Variants in ESRRB observed in about 807,000 individuals in gnomAD.
The protein encoded by ESRRB is estrogen related receptor beta.
In ESRRB, 16 loss-of-function variants were observed where a neutral mutation model predicts 46.0. That is an observed-to-expected ratio of 0.35 (90% CI 0.24 to 0.53). The LOEUF is 0.53. ESRRB is among the 20% of genes least tolerant of loss of function. The pLI, the probability that ESRRB is intolerant of heterozygous loss-of-function variation, is 0.93. For synonymous variants in ESRRB, 246 were observed against 259.6 expected (o/e 0.95, Z 0.50); for missense variants, 488 against 607.4 (o/e 0.80, Z 2.07).
At chr14:76,434,639 G>A (rs1477468925) in intron 1 of ESRRB, among the ~76,000 whole-genome samples, 1 of 148,014 alleles carries the variant, frequency 6.8e-6, no homozygotes, top group South Asian at 2.1e-4. Flanking sequence ...CAGCCTGGGC[G>A]ACAGAGCCAG....
At chr14:76,428,628 G>A (rs1222520990) in intron 1 of ESRRB, among the ~76,000 whole-genome samples, 1 of 152,120 alleles carries the variant, frequency 6.6e-6, no homozygotes, top group African/African-American at 2.4e-5. Context: ...GCCACTCTCC[G>A]TGAGCCTGAG....
chr14:76,354,520 G>T (rs1395992074), intron 1 of ESRRB, among the ~76,000 whole-genome samples: 1 of 151,930 alleles, frequency 6.6e-6, no homozygotes, highest in Non-Finnish European at 1.5e-5. Flanking sequence ...GGTCCCGGGG[G>T]TGAGGGATTC....
intron 1 of ESRRB, among the ~76,000 whole-genome samples, chr14:76,433,265 G>T (rs116990304): frequency 0.01 from 1,572 of 152,274 alleles, 15 homozygotes; most frequent in Non-Finnish European, 0.015. Flanking sequence ...CACGTATTTT[G>T]TGTCTTCAGC....
At position 76,426,871 on chromosome 14, in the gene ESRRB, A is replaced by C. The variant is rs928458386; in HGVS notation, c.51-12470A>C. 2.6e-5 allele frequency among the ~76,000 whole-genome samples: 4 copies of C among 152,204 alleles called. No individual in the cohort carries two copies. In the East Asian group the frequency reaches 7.7e-4, roughly 29 times the overall value. ...CATGGGGAGACCATGTCGCTACAAAAAAACAAACAAACAAAAAAATTGTTT... is the reference window on the plus strand; with the variant it reads ...CATGGGGAGACCATGTCGCTACAAACAAACAAACAAACAAAAAAATTGTTT... On this transcript the variant is annotated intron_variant, in intron 1 of 6. Transcript: ENST00000644823.
rs749859734 is a variant in ESRRB at position 76,498,721 on chromosome 14, C to A, written c.*263C>A. 86 of 1,210,632 alleles carry A rather than the reference C, an allele frequency of 7.1e-5. No individual in the cohort carries two copies. The Admixed American group carries it at 1.5e-3, about 21-fold the overall frequency. 75.0% of individuals were successfully genotyped at this position (1,210,632 alleles called of 1,614,324 possible). On this transcript the variant is annotated 3_prime_UTR_variant, in exon 7 of 7. Coordinates refer to ENST00000644823, the MANE Select transcript of ESRRB (RefSeq NM_001379180.1). The stretch of plus-strand genomic sequence containing the variant: ...TGTCTTTCCTTCTCCATGGACGGTG[C>A]GGAGGCCTGGGCCAGGGCTGACTCC...
At chr14:76,327,366 A>T (rs1314445270) in intron 1 of ESRRB, among the ~76,000 whole-genome samples, 1 of 152,186 alleles carries the variant, frequency 6.6e-6, no homozygotes, top group Non-Finnish European at 1.5e-5. Context: ...GGAAAATTGG[A>T]CAAGTGTCTC....
rs866337369 is a variant in ESRRB, at chr14:76,462,714, G to A, written c.577+53G>A. 148 of 1,376,934 alleles carry A rather than the reference G, an allele frequency of 1.1e-4. No homozygotes were observed. In the African/African-American group the frequency reaches 1.9e-3, roughly 17 times the overall value. The allele number at this position is 1,376,934 out of a possible 1,614,324, so 85.3% of individuals were successfully genotyped here. A position where few individuals can be genotyped will look rare whatever the true frequency, so the allele number is the denominator to read the frequency against. ...ACTGTGAGGCTCTGCTTGCTGGGGA[G>A]TTTTTGTCCCCTGTGAGACACCCAC... On this transcript the variant is annotated intron_variant, in intron 3 of 6. Coordinates refer to ENST00000644823, the MANE Select transcript of ESRRB (RefSeq NM_001379180.1).
intron 1 of ESRRB, among the ~76,000 whole-genome samples, chr14:76,435,902 C>G (rs1278650102): frequency 5.9e-5 from 9 of 152,208 alleles, no homozygotes; most frequent in Admixed American, 5.9e-4. Context: ...CTAGATCCTC[C>G]TGAGTTGGGA....
In ESRRB at chr14:76,439,382, C is replaced by G; in HGVS notation, c.92C>G (p.Ser31Cys). The change falls in exon 2 of 7, where the codon TCC becomes TGC. Residue 31 changes from serine to cysteine, a missense_variant. By Grantham distance (112) the Ser-to-Cys change is moderately radical. Transcript: ENST00000644823. ...RMSSDDRHLG[S>C]SCGSFIKTEP... ...TCCTCGGACGACAGGCACCTGGGCT[C>G]CAGCTGCGGCTCCTTCATCAAGACT... is the stretch of plus-strand genomic sequence containing the variant. 6.2e-7 allele frequency: 1 copy of G among 1,613,694 alleles called. No individual in the cohort carries two copies. Among genetic ancestry groups the G allele is most frequent in the Non-Finnish European group, 8.5e-7 (1 of 1,180,048 alleles).
chr14:76,367,556 C>CA (rs550594147), upstream of ESRRB, among the ~76,000 whole-genome samples: 7,685 of 103,390 alleles, frequency 0.074, 593 homozygotes, highest in African/African-American at 0.22. Context: ...GATCCTGTCT[C>CA]AAAAAAAAAA....
intron 2 of ESRRB, among the ~76,000 whole-genome samples, chr14:76,459,435 CATAGAGAGTCTGTTCTAAGCTGCA>C (rs1185275001): frequency 6.6e-6 from 1 of 151,984 alleles, no homozygotes; most frequent in Non-Finnish European, 1.5e-5. Context: ...GTGGAGGGAG[CATAGAGAGTCTGTTCTAAGCTGCA>C]AAGCAAAGGC....
intron 1 of ESRRB, among the ~76,000 whole-genome samples, chr14:76,391,706 T>C (rs1040515434): frequency 8.5e-5 from 13 of 152,186 alleles, no homozygotes; most frequent in Non-Finnish European, 1.9e-4. Flanking sequence ...TCAGTAAATG[T>C]GAGGTAGAAG....
At chr14:76,399,038 C>T (rs1198028066) in intron 1 of ESRRB, among the ~76,000 whole-genome samples, 5 of 152,120 alleles carry the variant, frequency 3.3e-5, no homozygotes. Context: ...TCTTGCTGAA[C>T]TCAGTACACT....
chr14:76,430,741 C>A (rs1037171534), intron 1 of ESRRB, among the ~76,000 whole-genome samples: 3 of 152,200 alleles, frequency 2.0e-5, no homozygotes, highest in African/African-American at 7.2e-5. Flanking sequence ...AGAACTGGCA[C>A]GTCTGCTACC....
At chr14:76,356,647 C>T (rs998574789) in intron 1 of ESRRB, among the ~76,000 whole-genome samples, 1 of 152,194 alleles carries the variant, frequency 6.6e-6, no homozygotes, top group Admixed American at 6.5e-5. Context: ...CTTTTTAGAC[C>T]TCCCCACTCT....
chr14:76,371,349 G>T (rs111446027), upstream of ESRRB: 6 of 152,296 alleles, frequency 3.9e-5, no homozygotes, highest in African/African-American at 1.4e-4. Flanking sequence ...CAGCAGGTCC[G>T]CAGAGAGGTG....
chr14:76,476,926 A>G (rs1488718313), intron 3 of ESRRB, among the ~76,000 whole-genome samples: 1 of 152,194 alleles, frequency 6.6e-6, no homozygotes, highest in Non-Finnish European at 1.5e-5. Flanking sequence ...AAGTCCTGCC[A>G]TGGACTTAAC....
intron 1 of ESRRB, among the ~76,000 whole-genome samples, chr14:76,423,562 G>A (rs575282769): frequency 2.0e-5 from 3 of 152,228 alleles, no homozygotes; most frequent in African/African-American, 7.2e-5. Context: ...TTCTGCTCCT[G>A]GGGCGCTGGT....
At chr14:76,359,167 G>A (rs553690260) in intron 1 of ESRRB, among the ~76,000 whole-genome samples, 15 of 152,208 alleles carry the variant, frequency 9.9e-5, no homozygotes, top group Non-Finnish European at 2.1e-4. Context: ...CTAACATCCA[G>A]AGGACATCAG....
Sources: gnomAD v4.1 joint callset for allele counts (sites outside exome capture counted in the v4.1 genomes callset) on GRCh38, gnomAD v4.1.1 for gene constraint, MANE v1.5 for transcripts, NCBI Gene and HGNC (gene_info 2026-07-23, HGNC 2026-07-21) for gene names.